Variants in DDX60L observed in about 807,000 individuals in gnomAD.
DDX60L encodes the protein probable ATP-dependent RNA helicase DDX60-like.
Under a neutral mutation model 211.6 loss-of-function variants are expected in DDX60L, and 191 were observed. The observed-to-expected ratio is 0.90, with a 90% confidence interval of 0.80 to 1.02. The LOEUF is 1.02. Ranked by LOEUF, DDX60L falls within the 50% of genes least tolerant of loss-of-function variation. The pLI is 0.00. For synonymous variants in DDX60L, 706 were observed against 694.1 expected (o/e 1.02, Z -0.27); for missense variants, 2,007 against 1,984.1 (o/e 1.01, Z -0.22).
At chr4:168,466,958 C>G (rs1055820642) in intron 4 of DDX60L, among the ~76,000 whole-genome samples, 1 of 152,040 alleles carries the variant, frequency 6.6e-6, no homozygotes, top group Non-Finnish European at 1.5e-5. Flanking sequence ...TCTAACAAAA[C>G]ATGTTAGAAC....
intron 36 of DDX60L, among the ~76,000 whole-genome samples, chr4:168,367,461 T>C (rs1471375362): frequency 1.3e-5 from 2 of 152,224 alleles, no homozygotes; most frequent in Non-Finnish European, 2.9e-5. Context: ...TATGGAACTC[T>C]AAGTCCAATA....
intron 36 of DDX60L, among the ~76,000 whole-genome samples, chr4:168,367,336 G>A (rs1382343186): frequency 6.6e-6 from 1 of 152,210 alleles, no homozygotes; most frequent in African/African-American, 2.4e-5. Context: ...TGAGTCTCAT[G>A]AGACCTGATG....
intron 35 of DDX60L, among the ~76,000 whole-genome samples, chr4:168,372,982 T>C (rs1467563474): frequency 1.3e-5 from 2 of 152,212 alleles, no homozygotes; most frequent in African/African-American, 2.4e-5. Context: ...AACCTGAAAT[T>C]GCATTAGCAG....
At chr4:168,394,312 A>G in intron 28 of DDX60L, 153 bp downstream of exon 28, 2 of 498,534 alleles carry the variant, frequency 4.0e-6, no homozygotes, top group Non-Finnish European at 6.9e-6. Context: ...CCTCTAATAA[A>G]TGGGATAGAT....
intron 37 of DDX60L, among the ~76,000 whole-genome samples, chr4:168,360,241 T>A (rs1716599660): frequency 1.3e-5 from 2 of 152,228 alleles, no homozygotes; most frequent in South Asian, 2.1e-4. Context: ...ACTTTTATAA[T>A]TGATAAATGA....
intron 10 of DDX60L, among the ~76,000 whole-genome samples, chr4:168,439,243 G>A (rs1252645213): frequency 6.6e-6 from 1 of 152,064 alleles, no homozygotes; most frequent in African/African-American, 2.4e-5. Flanking sequence ...CATGAATCTG[G>A]ATGTTGTTGT....
intron 8 of DDX60L, among the ~76,000 whole-genome samples, chr4:168,452,100 T>C (rs905343972): frequency 7.9e-5 from 12 of 152,340 alleles, no homozygotes; most frequent in East Asian, 1.9e-4. Context: ...AGAAGAGATA[T>C]GAGTTTGTAT....
chr4:168,456,157 C>A lies in DDX60L; in HGVS notation c.724-5G>T. On this transcript the variant is annotated splice_polypyrimidine_tract_variant and splice_region_variant and intron_variant, in intron 6 of 37. Coordinates refer to ENST00000682922, the MANE Select transcript of DDX60L (RefSeq NM_001012967.3). The stretch of plus-strand genomic sequence containing the variant: ...CAGAAATAGAGTCTGATACGCCTAT[C>A]AAAAAAGAAATTTCTTCAAATGTCA... 2 of 1,509,588 alleles carry A rather than the reference C, an allele frequency of 1.3e-6. No homozygotes were observed. Among genetic ancestry groups the A allele is most frequent in the East Asian group, 2.5e-5 (1 of 39,838 alleles). 93.5% of individuals were successfully genotyped at this position (1,509,588 alleles called of 1,614,324 possible). A position where few individuals can be genotyped will look rare whatever the true frequency, so the allele number is the denominator to read the frequency against.
At chr4:168,394,190 G>C (rs560596535) in intron 28 of DDX60L, among the ~76,000 whole-genome samples, 1 of 149,120 alleles carries the variant, frequency 6.7e-6, no homozygotes, top group Non-Finnish European at 1.5e-5. Context: ...AGCGAGACTC[G>C]ATCTAATAAA....
rs1485202606 is a variant in DDX60L, at chr4:168,357,281, T to C, written c.*866A>G. The C allele has an allele frequency of 6.6e-6, 1 of 152,210 alleles. No individual in the cohort carries two copies. The highest frequency in any genetic ancestry group is 1.5e-5 in the Non-Finnish European group (1 of 68,044). 9.4% of individuals were successfully genotyped at this position (152,210 alleles called of 1,614,324 possible). On this transcript the variant is annotated 3_prime_UTR_variant, in exon 38 of 38. Coordinates refer to ENST00000682922, the MANE Select transcript of DDX60L (RefSeq NM_001012967.3). ...AACAGTTGAATCAGCATGTTCTGCT[T>C]TCAACAGGAAAGTGGTTTATAACTA...
In DDX60L at chr4:168,471,937, C is replaced by A; in HGVS notation, c.75-1G>T. 6.3e-7 allele frequency: 1 copy of A among 1,578,618 alleles called. No individual in the cohort carries two copies. The highest frequency in any genetic ancestry group is 8.6e-7 in the Non-Finnish European group (1 of 1,162,094). ...AAAATCATTTAATATGCTGGAATAC[C>A]TAAAATAAAAATCAAAGAGAATAAA... On this transcript the variant is annotated splice_acceptor_variant, in intron 3 of 37. Coordinates refer to ENST00000682922, the MANE Select transcript of DDX60L (RefSeq NM_001012967.3). LOFTEE classifies it high-confidence loss of function.
chr4:168,448,220 C>G (rs1755123034), intron 9 of DDX60L, among the ~76,000 whole-genome samples: 1 of 152,030 alleles, frequency 6.6e-6, no homozygotes, highest in African/African-American at 2.4e-5. Context: ...TATTCTCTGA[C>G]TATGTAAGCC....
chr4:168,449,909 T>C (rs901056663), intron 8 of DDX60L, among the ~76,000 whole-genome samples: 1 of 151,732 alleles, frequency 6.6e-6, no homozygotes, highest in Non-Finnish European at 1.5e-5. Flanking sequence ...CTTAACTAAC[T>C]CCACCTTGCT....
intron 12 of DDX60L, 44 bp downstream of exon 12, chr4:168,432,411 G>A (rs202127163): frequency 9.9e-6 from 11 of 1,111,884 alleles, no homozygotes; most frequent in Non-Finnish European, 1.4e-5. Flanking sequence ...GAGCAGCAAA[G>A]GCAATTCATA....
At chr4:168,418,400 G>C (rs1222853168) in intron 19 of DDX60L, among the ~76,000 whole-genome samples, 1 of 152,110 alleles carries the variant, frequency 6.6e-6, no homozygotes, top group Non-Finnish European at 1.5e-5. Context: ...ATTGTGCTTA[G>C]GCATTTTGAG....
intron 4 of DDX60L, among the ~76,000 whole-genome samples, chr4:168,467,445 C>CA (rs199648164): frequency 0.014 from 1,537 of 109,066 alleles, 42 homozygotes; most frequent in African/African-American, 0.044. Flanking sequence ...GTTTCCATTC[C>CA]AAAAAAAAAA....
chr4:168,467,821 C>A (rs1205767444), intron 4 of DDX60L, among the ~76,000 whole-genome samples: 1 of 152,196 alleles, frequency 6.6e-6, no homozygotes, highest in Non-Finnish European at 1.5e-5. Flanking sequence ...CTTTTCAACA[C>A]ATTCACCAGG....
At position 168,396,113 on chromosome 4, in the gene DDX60L, T is replaced by C. The variant is rs528386777; in HGVS notation, c.3503A>G (p.Asn1168Ser). ...TTCCAGTTTTTCAGCCTTCTTTGGG[T>C]TTTTTTTAGTGCTACTATTTAAAAA... Reference protein sequence around the residue: ...RKTQKRITKKNPKKAEKLERK... With the variant: ...RKTQKRITKKSPKKAEKLERK... Residue 1168 changes from asparagine to serine, a missense_variant, in exon 27 of 38, where the codon AAC (asparagine) becomes AGC (serine). By Grantham distance (46) the Asn-to-Ser change is conservative. Transcript: ENST00000682922. The C allele has an allele frequency of 2.7e-6, 4 of 1,488,256 alleles. No individual in the cohort carries two copies. The highest frequency in any genetic ancestry group is 3.6e-6 in the Non-Finnish European group (4 of 1,108,064). The allele number at this position is 1,488,256 out of a possible 1,614,324, so 92.2% of individuals were successfully genotyped here.
chr4:168,365,106 T>C (rs1391373881), intron 36 of DDX60L, among the ~76,000 whole-genome samples: 2 of 152,022 alleles, frequency 1.3e-5, no homozygotes, highest in Non-Finnish European at 1.5e-5. Context: ...AACCAAATGA[T>C]GCACCTCAAG....
Sources: allele counts gnomAD v4.1 joint callset (sites outside exome capture counted in the v4.1 genomes callset), GRCh38; gene constraint gnomAD v4.1.1; transcripts MANE v1.5; gene names NCBI Gene and HGNC (gene_info 2026-07-23, HGNC 2026-07-21).